GNAL: variants seen among roughly 807,000 people sequenced by gnomAD.
The protein encoded by GNAL is guanine nucleotide-binding protein G(olf) subunit alpha.
A neutral mutation model predicts 55.1 loss-of-function variants in GNAL; 18 were observed. The ratio of observed to expected loss-of-function variants is 0.33; its 90% CI spans 0.23 to 0.48. The LOEUF (loss-of-function observed/expected upper bound fraction) is 0.48. GNAL is among the 20% of genes least tolerant of loss of function. GNAL has a pLI of 0.99. For missense variants in GNAL, 412 were observed against 614.1 expected (o/e 0.67, Z 3.48); for synonymous variants, 253 against 237.0 (o/e 1.07, Z -0.62).
At chr18:11,709,253 C>A (rs1236952151) in intron 1 of GNAL, among the ~76,000 whole-genome samples, 1 of 147,036 alleles carries the variant, frequency 6.8e-6, no homozygotes, top group Non-Finnish European at 1.5e-5. Flanking sequence ...CTTTGTTCTT[C>A]TTTCTCAAGA....
chr18:11,750,472 T>G (rs1254407670), intron 1 of GNAL, among the ~76,000 whole-genome samples: 1 of 151,812 alleles, frequency 6.6e-6, no homozygotes, highest in East Asian at 1.9e-4. Context: ...TGAGAGGCTG[T>G]GCTGTGGGGA....
At chr18:11,830,679 G>A (rs2035360020) in intron 5 of GNAL, among the ~76,000 whole-genome samples, 1 of 152,156 alleles carries the variant, frequency 6.6e-6, no homozygotes, top group Non-Finnish European at 1.5e-5. Flanking sequence ...GTAGATGGAT[G>A]TTCATAGCAA....
chr18:11,698,547 A>T (rs548425127), intron 1 of GNAL, among the ~76,000 whole-genome samples: 13 of 151,178 alleles, frequency 8.6e-5, no homozygotes, highest in Non-Finnish European at 1.3e-4. Context: ...GTGCAGGTTC[A>T]TGGCCTGGTG....
intron 1 of GNAL, among the ~76,000 whole-genome samples, chr18:11,738,486 G>A (rs977214537): frequency 7.9e-5 from 12 of 151,962 alleles, no homozygotes; most frequent in Admixed American, 4.6e-4. Flanking sequence ...GCTCACTGCC[G>A]AGGCAGACAT....
At chr18:11,838,512 A>G (rs566418729) in intron 5 of GNAL, among the ~76,000 whole-genome samples, 30 of 152,342 alleles carry the variant, frequency 2.0e-4, no homozygotes, top group African/African-American at 7.0e-4. Flanking sequence ...CAAAAAAGTC[A>G]TTGAATTGTG....
chr18:11,826,012 A>C (rs960425377), intron 5 of GNAL, among the ~76,000 whole-genome samples: 1 of 152,220 alleles, frequency 6.6e-6, no homozygotes, highest in Non-Finnish European at 1.5e-5. Flanking sequence ...CTAAAAATTC[A>C]TATACATAGA....
At chr18:11,719,020 G>A (rs2032035499) in intron 1 of GNAL, among the ~76,000 whole-genome samples, 1 of 152,158 alleles carries the variant, frequency 6.6e-6, no homozygotes, top group Non-Finnish European at 1.5e-5. Flanking sequence ...AAAATTTGCT[G>A]ATGAATTGGA....
intron 4 of GNAL, among the ~76,000 whole-genome samples, chr18:11,814,223 TCAGG>T (rs2034895106): frequency 6.6e-6 from 1 of 152,172 alleles, no homozygotes; most frequent in Admixed American, 6.5e-5. Context: ...ACTTTGTTCA[TCAGG>T]CACAGAAAAA....
Position 11,868,818 on chromosome 18 carries a change from C to T in GNAL, c.1031+155C>T, listed in dbSNP as rs566392756. Reference sequence around the variant, plus strand: ...TTGAGCTCAGCAGTTGGAGACTAGCCTGGGCAACATGGAGAAACCCTGTCT... The same window carrying T: ...TTGAGCTCAGCAGTTGGAGACTAGCTTGGGCAACATGGAGAAACCCTGTCT... On this transcript the variant is annotated intron_variant, in intron 9 of 11. Coordinates refer to ENST00000334049, the MANE Select transcript of GNAL (RefSeq NM_182978.4). The surrounding 1 kb of genome is among the most constrained non-coding windows in gnomAD (Gnocchi z 4.0). Among the ~76,000 whole-genome samples the T allele has an allele frequency of 6.6e-6, 1 of 152,244 alleles. No individual in the cohort carries two copies. The highest frequency in any genetic ancestry group is 1.9e-4 in the East Asian group (1 of 5,172).
chr18:11,705,963 C>T (rs965736755), intron 1 of GNAL, among the ~76,000 whole-genome samples: 3 of 152,026 alleles, frequency 2.0e-5, no homozygotes, highest in Non-Finnish European at 4.4e-5. Context: ...CTATGTTGGC[C>T]AGGCTGGTCT....
chr18:11,717,420 C>T (rs1023165118), intron 1 of GNAL, among the ~76,000 whole-genome samples: 3 of 152,222 alleles, frequency 2.0e-5, no homozygotes, highest in South Asian at 2.1e-4. Context: ...GAGGAGGCCC[C>T]GAGAGCGAGT....
intron 4 of GNAL, among the ~76,000 whole-genome samples, chr18:11,754,858 G>A (rs2032988660): frequency 6.6e-6 from 1 of 152,140 alleles, no homozygotes; most frequent in African/African-American, 2.4e-5. Context: ...ATCAATCTTA[G>A]TTTTCTCTCA....
At chr18:11,877,762 C>G (rs2036567224) in intron 11 of GNAL, among the ~76,000 whole-genome samples, 1 of 152,318 alleles carries the variant, frequency 6.6e-6, no homozygotes, top group African/African-American at 2.4e-5. Context: ...TTTCACCACC[C>G]TTTTCCCGGC....
intron 1 of GNAL, among the ~76,000 whole-genome samples, chr18:11,707,564 G>A (rs2143346522): frequency 6.6e-6 from 1 of 152,270 alleles, no homozygotes; most frequent in Non-Finnish European, 1.5e-5. Flanking sequence ...ATTCTGGAGG[G>A]CCCTAGGATT....
chr18:11,803,225 A>G (rs1414271311), intron 4 of GNAL, among the ~76,000 whole-genome samples: 5 of 152,158 alleles, frequency 3.3e-5, no homozygotes, highest in Non-Finnish European at 7.3e-5. Context: ...CTCATGAGAC[A>G]ACTCCCAACT....
At chr18:11,690,075 C>G (rs1437363470) in intron 1 of GNAL, 136 bp downstream of exon 1, 5 of 429,174 alleles carry the variant, frequency 1.2e-5, no homozygotes, top group African/African-American at 2.3e-5. Flanking sequence ...GGACTGGACC[C>G]GGACGGGCGG....
Position 11,751,711 on chromosome 18 carries a change from G to A in GNAL, c.377-1142G>A. Reference sequence around the variant, plus strand: ...GGAACCCAGGCCGGTCAGCGTGTAAGCGCCCCAGCCGGCCGGGCTCCGTGG... The same window carrying A: ...GGAACCCAGGCCGGTCAGCGTGTAAACGCCCCAGCCGGCCGGGCTCCGTGG... On this transcript the variant is annotated intron_variant, in intron 1 of 11. Coordinates refer to ENST00000334049, the MANE Select transcript of GNAL (RefSeq NM_182978.4). The surrounding 1 kb of genome is among the most constrained non-coding windows in gnomAD (Gnocchi z 4.5). 1.0e-6 allele frequency: 1 copy of A among 971,212 alleles called. No homozygotes were observed. Among genetic ancestry groups the A allele is most frequent in the Non-Finnish European group, 1.2e-6 (1 of 816,976 alleles). 60.2% of individuals were successfully genotyped at this position (971,212 alleles called of 1,614,324 possible).
chr18:11,871,008 GA>G (rs1330149976), intron 9 of GNAL, among the ~76,000 whole-genome samples: 1 of 152,028 alleles, frequency 6.6e-6, no homozygotes, highest in East Asian at 1.9e-4. Context: ...CTTCTTATAG[GA>G]AAAAGCTGAT....
chr18:11,816,591 G>T (rs1204167302), intron 4 of GNAL, among the ~76,000 whole-genome samples: 2 of 152,150 alleles, frequency 1.3e-5, no homozygotes, highest in East Asian at 3.9e-4. Flanking sequence ...ACCGTACCCG[G>T]CCACTCTAAT....
Sources: allele counts gnomAD v4.1 joint callset (sites outside exome capture counted in the v4.1 genomes callset), GRCh38; gene constraint gnomAD v4.1.1; non-coding constraint Gnocchi (gnomAD v3.1); transcripts MANE v1.5; gene names NCBI Gene and HGNC (gene_info 2026-07-23, HGNC 2026-07-21).